Variants in ZBTB20 observed in about 807,000 individuals in gnomAD.
ZBTB20 encodes zinc finger and BTB domain-containing protein 20.
ZBTB20 carries 9 observed loss-of-function variants against 56.9 expected under a neutral mutation model. The ratio of observed to expected loss-of-function variants is 0.16; its 90% confidence interval spans 0.10 to 0.28. The LOEUF (loss-of-function observed/expected upper bound fraction) is 0.28, where lower values mean the gene tolerates loss of function less well. ZBTB20 is among the 10% of genes least tolerant of loss of function. The pLI, the probability that ZBTB20 is intolerant of heterozygous loss-of-function variation, is 1.00. For missense variants in ZBTB20, 655 were observed against 1,003.0 expected, an observed-to-expected ratio of 0.65 and a Z score of 4.69; for synonymous variants, 417 against 420.7, an observed-to-expected ratio of 0.99 and a Z score of 0.11.
chr3:115,017,269 T>A (rs1196642895), intron 2 of ZBTB20, among the ~76,000 whole-genome samples: 2 of 151,356 alleles, frequency 1.3e-5, no homozygotes, highest in Non-Finnish European at 3.0e-5. Context: ...ATGAATGAAC[T>A]CCCATTCACA....
chr3:114,794,987 A>G (rs1414750977), intron 5 of ZBTB20, among the ~76,000 whole-genome samples: 1 of 152,152 alleles, frequency 6.6e-6, no homozygotes, highest in Non-Finnish European at 1.5e-5. Flanking sequence ...ATGCATCTCT[A>G]CATTACACAA....
intron 6 of ZBTB20, among the ~76,000 whole-genome samples, chr3:114,599,073 T>C (rs1428456897): frequency 1.3e-5 from 2 of 152,052 alleles, no homozygotes; most frequent in African/African-American, 2.4e-5. Flanking sequence ...ATTGTTGAAA[T>C]AGCATGCTAT....
At chr3:114,586,890 C>A (rs2055223809) in intron 6 of ZBTB20, among the ~76,000 whole-genome samples, 1 of 151,044 alleles carries the variant, frequency 6.6e-6, no homozygotes, top group Non-Finnish European at 1.5e-5. Flanking sequence ...GACTCAAGAA[C>A]AAGAATGATA....
chr3:115,104,627 C>T (rs2083671016), intron 1 of ZBTB20, among the ~76,000 whole-genome samples: 1 of 152,142 alleles, frequency 6.6e-6, no homozygotes. Flanking sequence ...TATCTATACA[C>T]TGTATGATTC....
At chr3:114,516,272 C>A (rs556575529) in intron 6 of ZBTB20, among the ~76,000 whole-genome samples, 2 of 152,310 alleles carry the variant, frequency 1.3e-5, no homozygotes, top group Admixed American at 6.5e-5. Context: ...GTCTTCCCCA[C>A]ATAACCCATT....
At chr3:114,615,182 G>A (rs2057845087) in intron 6 of ZBTB20, among the ~76,000 whole-genome samples, 1 of 152,114 alleles carries the variant, frequency 6.6e-6, no homozygotes, top group Non-Finnish European at 1.5e-5. Flanking sequence ...TGGTTTCCTG[G>A]AGTCAATTTT....
intron 4 of ZBTB20, among the ~76,000 whole-genome samples, chr3:114,844,979 T>C (rs2074620441): frequency 6.6e-6 from 1 of 151,800 alleles, no homozygotes; most frequent in African/African-American, 2.4e-5. Context: ...CTTTATCAGA[T>C]ATATTCTTTG....
chr3:114,566,272 C>G (rs1466850365), intron 6 of ZBTB20, among the ~76,000 whole-genome samples: 1 of 152,108 alleles, frequency 6.6e-6, no homozygotes, highest in Non-Finnish European at 1.5e-5. Context: ...TTCTTTTGGG[C>G]CACTCTTCAG....
chr3:114,609,148 C>T (rs1433322543), intron 6 of ZBTB20, among the ~76,000 whole-genome samples: 2 of 152,158 alleles, frequency 1.3e-5, no homozygotes, highest in African/African-American at 2.4e-5. Flanking sequence ...TCAGAAACAC[C>T]ATCTAAGATG....
chr3:115,036,548 G>A (rs2080930743), intron 2 of ZBTB20, among the ~76,000 whole-genome samples: 1 of 152,138 alleles, frequency 6.6e-6, no homozygotes, highest in Admixed American at 6.5e-5. Flanking sequence ...CCGAGTAGCT[G>A]GGACTACAGG....
At chr3:114,818,851 G>A (rs1442271228) in intron 4 of ZBTB20, among the ~76,000 whole-genome samples, 1 of 151,840 alleles carries the variant, frequency 6.6e-6, no homozygotes, top group African/African-American at 2.4e-5. Flanking sequence ...TATTAAACAG[G>A]AATAAGAAAG....
chr3:114,560,578 C>T lies in ZBTB20; in HGVS notation c.-294-60187G>A, dbSNP rs556288157. Among the ~76,000 whole-genome samples, 29 of 152,336 alleles carry T rather than the reference C, an allele frequency of 1.9e-4. No individual in the cohort carries two copies. In the South Asian group the frequency reaches 5.2e-3, roughly 27 times the overall value. ...TCCAAGCCTTTCACCACTACACTTT[C>T]CTGTCTCCCTCTGTGGTAGTGCAGG... On this transcript the variant is annotated intron_variant, in intron 6 of 11. Transcript: ENST00000675478.
chr3:114,950,675 A>G (rs2077035770), intron 3 of ZBTB20, among the ~76,000 whole-genome samples: 1 of 152,192 alleles, frequency 6.6e-6, no homozygotes, highest in Non-Finnish European at 1.5e-5. Context: ...CATATATCCA[A>G]TAAGAATGCT....
intron 6 of ZBTB20, among the ~76,000 whole-genome samples, chr3:114,616,340 C>T (rs2057941714): frequency 6.6e-6 from 1 of 152,124 alleles, no homozygotes; most frequent in African/African-American, 2.4e-5. Context: ...CCCTTGATGC[C>T]GATTAAATAT....
At chr3:114,910,237 G>A (rs887296528) in intron 3 of ZBTB20, among the ~76,000 whole-genome samples, 5 of 151,290 alleles carry the variant, frequency 3.3e-5, no homozygotes, top group Admixed American at 6.6e-5. Flanking sequence ...ACTCTGATTC[G>A]ACAATTATAA....
chr3:114,561,981 A>C (rs576574366), intron 6 of ZBTB20, among the ~76,000 whole-genome samples: 1 of 152,264 alleles, frequency 6.6e-6, no homozygotes, highest in South Asian at 2.1e-4. Context: ...TTGCTTCTCT[A>C]TCAGCACTTG....
At chr3:114,993,482 T>A (rs914921559) in intron 2 of ZBTB20, among the ~76,000 whole-genome samples, 1 of 151,850 alleles carries the variant, frequency 6.6e-6, no homozygotes, top group African/African-American at 2.4e-5. Flanking sequence ...TTCCAACTAA[T>A]GTGTAATATT....
intron 4 of ZBTB20, among the ~76,000 whole-genome samples, chr3:114,873,352 A>G (rs1311459746): frequency 6.6e-6 from 1 of 152,154 alleles, no homozygotes; most frequent in Non-Finnish European, 1.5e-5. Flanking sequence ...AATGTGTGTA[A>G]AGTGGGTGCA....
At chr3:114,886,065 A>G (rs2076588907) in intron 4 of ZBTB20, among the ~76,000 whole-genome samples, 1 of 152,160 alleles carries the variant, frequency 6.6e-6, no homozygotes, top group Non-Finnish European at 1.5e-5. Context: ...GGTTTACTTC[A>G]CCTTCTGCTC....
Sources: gnomAD v4.1 joint callset for allele counts (sites outside exome capture counted in the v4.1 genomes callset) on GRCh38, gnomAD v4.1.1 for gene constraint, MANE v1.5 for transcripts, NCBI Gene and HGNC (gene_info 2026-07-23, HGNC 2026-07-21) for gene names.